The following AQR variants were observed in gnomAD, a reference collection of about 807,000 sequenced individuals.
AQR encodes aquarius intron-binding spliceosomal factor.
In AQR, 61 loss-of-function variants were observed where a neutral mutation model predicts 180.5. That is an observed-to-expected ratio of 0.34 (90% CI 0.28 to 0.42). AQR has a LOEUF of 0.42. Among genes scored for constraint, AQR ranks in the 10% least tolerant of loss-of-function variants. The pLI is 1.00. For missense variants in AQR, 1,281 were observed against 1,798.3 expected (o/e 0.71, Z 5.20); for synonymous variants, 551 against 588.8 (o/e 0.94, Z 0.93).
chr15:34,860,283 G>T, intron 33 of AQR, 128 bp from the exon 34 acceptor site: 1 of 415,200 alleles, frequency 2.4e-6, no homozygotes, highest in Non-Finnish European at 4.2e-6. Context: ...AACAGTAAGA[G>T]GACATAAAAT....
chr15:34,856,165 A>G lies in AQR; in HGVS notation c.*627T>C, dbSNP rs2140454671. On this transcript the variant is annotated 3_prime_UTR_variant, in exon 35 of 35. Coordinates refer to ENST00000156471, the MANE Select transcript of AQR (RefSeq NM_014691.3). ...AGAACCTCCTAAAATATAGATTCCT[A>G]GGCTCTAATCCTGAGATTCTGACTC... 6.0e-6 allele frequency: 1 copy of G among 165,364 alleles called. No individual in the cohort carries two copies. The highest frequency in any genetic ancestry group is 1.7e-4 in the East Asian group (1 of 6,008). 10.2% of individuals were successfully genotyped at this position (165,364 alleles called of 1,614,324 possible). A position where few individuals can be genotyped will look rare whatever the true frequency, so the allele number is the denominator to read the frequency against.
chr15:34,886,556 A>G lies in AQR; in HGVS notation c.2787T>C (p.Cys929=), dbSNP rs1291227319. ...ATAAGAAGAAATAGCCTGCAGTTTC[A>G]CAGGTATATGAGGCATCTCCTGGAA... ...LGVPGDASYT[C]ETAGYFFLYQ... Residue 929 remains cysteine (C), a synonymous_variant, in exon 25 of 35, where the codon TGT becomes TGC. Transcript: ENST00000156471. The G allele has an allele frequency of 6.2e-7, 1 of 1,610,146 alleles. No individual in the cohort carries two copies. The highest frequency in any genetic ancestry group is 1.1e-5 in the South Asian group (1 of 89,984).
At chr15:34,956,847 GT>G (rs1475938549) in intron 3 of AQR, among the ~76,000 whole-genome samples, 1 of 152,176 alleles carries the variant, frequency 6.6e-6, no homozygotes, top group Non-Finnish European at 1.5e-5. Flanking sequence ...TTACAGGGTT[GT>G]TGTGGGAATA....
At chr15:34,946,208 T>C (rs894250205) in intron 5 of AQR, among the ~76,000 whole-genome samples, 1 of 152,180 alleles carries the variant, frequency 6.6e-6, no homozygotes, top group Non-Finnish European at 1.5e-5. Context: ...GAGGCAGATG[T>C]TGCAGTGAGC....
Position 34,912,098 on chromosome 15 carries a change from T to A in AQR, c.1485-1785A>T, listed in dbSNP as rs533092599. Among the ~76,000 whole-genome samples the A allele has an allele frequency of 2.4e-4, 36 of 152,282 alleles. 1 individual carries two copies. In the South Asian group the frequency reaches 5.4e-3, roughly 23 times the overall value. The stretch of plus-strand genomic sequence containing the variant: ...ATTAAATGATTGTACAAGTGTGGGT[T>A]TACTTCTGGGCTTTCTGTTCTCTTT... On this transcript the variant is annotated intron_variant, in intron 16 of 34. Transcript: ENST00000156471.
In AQR at chr15:34,857,844, A is replaced by AAGGG. The variant is rs761890987; in HGVS notation, c.4144-739_4144-738insCCCT. On this transcript the variant is annotated intron_variant, in intron 34 of 34. Transcript: ENST00000156471. ...CCATGGGAGAAGGGAGCAGCAAGGA[A>AAGGG]CAAGGTTTCTGTTCCGTTCAACCAG... Among the ~76,000 whole-genome samples the AAGGG allele has an allele frequency of 9.0e-3, 1,369 of 152,310 alleles. 17 individuals are homozygous for AAGGG. The highest frequency in any genetic ancestry group is 0.012 in the Non-Finnish European group (846 of 68,012).
chr15:34,927,232 TA>T, intron 12 of AQR, 94 bp from the exon 13 acceptor site: 2 of 710,814 alleles, frequency 2.8e-6, no homozygotes, highest in Non-Finnish European at 4.1e-6. Context: ...ATAAAAATAT[TA>T]ACGCATTTCT....
intron 1 of AQR, among the ~76,000 whole-genome samples, chr15:34,967,581 G>A (rs1385510742): frequency 5.9e-5 from 9 of 152,032 alleles, no homozygotes; most frequent in Non-Finnish European, 1.3e-4. Flanking sequence ...ATAAAGGAAG[G>A]TGGGGAGAAA....
intron 1 of AQR, among the ~76,000 whole-genome samples, chr15:34,965,149 T>C (rs6495728): frequency 0.61 from 93,289 of 152,092 alleles, 30,890 homozygotes; most frequent in South Asian, 0.75. Flanking sequence ...CTTCTCTTCA[T>C]TTTGTATATA....
intron 3 of AQR, among the ~76,000 whole-genome samples, chr15:34,960,284 T>G (rs1201088874): frequency 6.6e-6 from 1 of 152,226 alleles, no homozygotes; most frequent in Non-Finnish European, 1.5e-5. Context: ...CAGATGTATA[T>G]GAACCATATA....
At chr15:34,968,313 C>T (rs183440971) in intron 1 of AQR, among the ~76,000 whole-genome samples, 6 of 144,708 alleles carry the variant, frequency 4.1e-5, no homozygotes, top group Non-Finnish European at 9.2e-5. Context: ...AGTGCAGTGG[C>T]GCGATCTCGG....
chr15:34,863,090 T>C (rs1162141839), intron 32 of AQR, 49 bp from the exon 33 acceptor site: 1 of 1,523,788 alleles, frequency 6.6e-7, no homozygotes, highest in Admixed American at 2.1e-5. Context: ...TTATTAACAT[T>C]TAAGCAGCTT....
chr15:34,881,920 C>T (rs1892978243), intron 27 of AQR, among the ~76,000 whole-genome samples: 1 of 152,190 alleles, frequency 6.6e-6, no homozygotes, highest in South Asian at 2.1e-4. Context: ...ATTCTCCTGC[C>T]TCAGCCTCCC....
rs765970229 is a variant in AQR, at chr15:34,915,016, C to T, written c.1484+22G>A. 7 of 1,586,490 alleles carry T rather than the reference C, an allele frequency of 4.4e-6. No homozygotes were observed. The South Asian group carries it at 7.0e-5, about 16-fold the overall frequency. On this transcript the variant is annotated intron_variant, in intron 16 of 34. Coordinates refer to ENST00000156471, the MANE Select transcript of AQR (RefSeq NM_014691.3). ...AGTCACTGTTTGCATCTCTTCATTA[C>T]AGGTGGAACCAATTTACTAACCATG... is the stretch of plus-strand genomic sequence containing the variant.
intron 3 of AQR, 134 bp downstream of exon 3, chr15:34,960,640 T>C (rs1198791520): frequency 2.5e-5 from 12 of 488,368 alleles, no homozygotes; most frequent in Non-Finnish European, 4.4e-5. Context: ...CCTAAAGTTT[T>C]TCTAGTCACC....
At chr15:34,946,949 G>A (rs1372000455) in intron 5 of AQR, among the ~76,000 whole-genome samples, 1 of 151,754 alleles carries the variant, frequency 6.6e-6, no homozygotes, top group Non-Finnish European at 1.5e-5. Flanking sequence ...GCCTCTGCCC[G>A]GCCGCGCCTA....
intron 30 of AQR, among the ~76,000 whole-genome samples, chr15:34,871,399 C>G (rs751601574): frequency 1.3e-5 from 2 of 150,972 alleles, no homozygotes; most frequent in African/African-American, 2.4e-5. Flanking sequence ...CTCAGCTACT[C>G]TGGAGACTGA....
chr15:34,900,782 C>T lies in AQR; in HGVS notation c.2083G>A (p.Gly695Arg). 1 of 1,614,120 alleles carries T rather than the reference C, an allele frequency of 6.2e-7. No individual in the cohort carries two copies. The highest frequency in any genetic ancestry group is 8.5e-7 in the Non-Finnish European group (1 of 1,180,002). The change falls in exon 20 of 35, where the codon GGG becomes AGG. Residue 695 changes from glycine to arginine, a missense_variant. Physicochemically the swap from Gly to Arg is moderately radical, Grantham distance 125 (BLOSUM62 -2). Transcript: ENST00000156471. ...GAATAATGTGCACTACTTGGGTCCC[C>T]ATAACCTAAAATGATATCGTGCAGC... ...DWLHDIILGY[G>R]DPSSAHYSKM...
At chr15:34,943,133 C>T (rs930659199) in intron 6 of AQR, 14 of 1,611,432 alleles carry the variant, frequency 8.7e-6, no homozygotes, top group South Asian at 4.4e-5. Flanking sequence ...GTGGCAAGCA[C>T]CAACCCCATA....
Sources: allele counts gnomAD v4.1 joint callset (sites outside exome capture counted in the v4.1 genomes callset), GRCh38; gene constraint gnomAD v4.1.1; transcripts MANE v1.5; gene names NCBI Gene and HGNC (gene_info 2026-07-23, HGNC 2026-07-21).